Variants in FHIT observed in about 807,000 individuals in gnomAD.
FHIT encodes bis(5'-adenosyl)-triphosphatase.
In FHIT, 19 loss-of-function variants were observed where a neutral mutation model predicts 17.9. The ratio of observed to expected loss-of-function variants is 1.06; its 90% CI spans 0.74 to 1.56. FHIT has a LOEUF of 1.56. FHIT is among the 40% of genes most tolerant of loss of function. The pLI is 0.00. For missense variants in FHIT, 248 were observed against 189.2 expected, an observed-to-expected ratio of 1.31 and a Z score of -1.82; for synonymous variants, 81 against 69.7, an observed-to-expected ratio of 1.16 and a Z score of -0.81.
At chr3:59,763,344 G>A (rs1300113551) in intron 8 of FHIT, among the ~76,000 whole-genome samples, 3 of 152,216 alleles carry the variant, frequency 2.0e-5, no homozygotes, top group African/African-American at 7.2e-5. Flanking sequence ...AGGGAGGCAA[G>A]CACACAGCAC....
chr3:60,825,989 A>G (rs998717543), intron 3 of FHIT, among the ~76,000 whole-genome samples: 1 of 152,198 alleles, frequency 6.6e-6, no homozygotes, highest in Non-Finnish European at 1.5e-5. Flanking sequence ...TTCTTTAAAA[A>G]GGAAAAAAAC....
At chr3:60,963,025 T>G (rs1018989678) in intron 3 of FHIT, among the ~76,000 whole-genome samples, 1 of 152,168 alleles carries the variant, frequency 6.6e-6, no homozygotes, top group Non-Finnish European at 1.5e-5. Context: ...TCTTTGTACC[T>G]CCGGTAGAAT....
chr3:60,390,396 T>TGAAAAAAAAAAAAAAAAAAAAAAAA (rs1701174274), intron 5 of FHIT, among the ~76,000 whole-genome samples: 1 of 32,030 alleles, frequency 3.1e-5, no homozygotes, highest in African/African-American at 1.2e-4. Flanking sequence ...GTAATGGAGC[T>TGAAAAAAAAAAAAAAAAAAAAAAAA]AAAAAAAAAA....
chr3:60,988,554 A>G (rs1360063211), intron 3 of FHIT, among the ~76,000 whole-genome samples: 1 of 152,212 alleles, frequency 6.6e-6, no homozygotes, highest in Non-Finnish European at 1.5e-5. Flanking sequence ...AGAGGAGACC[A>G]TATTCCAGCT....
chr3:60,292,948 T>C (rs1374651545), intron 5 of FHIT, among the ~76,000 whole-genome samples: 2 of 152,190 alleles, frequency 1.3e-5, no homozygotes, highest in Admixed American at 6.6e-5. Context: ...TGCCTAAATA[T>C]ATTACAAACT....
At chr3:60,731,272 T>A (rs1483714601) in intron 4 of FHIT, among the ~76,000 whole-genome samples, 1 of 152,174 alleles carries the variant, frequency 6.6e-6, no homozygotes, top group Non-Finnish European at 1.5e-5. Context: ...AGTTCTTACC[T>A]CTTCAGAAGA....
chr3:59,994,453 A>T (rs1317916187), intron 7 of FHIT, among the ~76,000 whole-genome samples: 2 of 152,104 alleles, frequency 1.3e-5, no homozygotes, highest in African/African-American at 4.8e-5. Context: ...CTTCCCTGGA[A>T]TTTGAAAAGG....
intron 4 of FHIT, among the ~76,000 whole-genome samples, chr3:60,570,724 T>C (rs1011648575): frequency 8.9e-6 from 1 of 112,416 alleles, no homozygotes; most frequent in African/African-American, 3.6e-5. Flanking sequence ...CAATACTTAG[T>C]ACATTAAAAA....
chr3:60,690,465 G>C, intron 4 of FHIT: 1 of 573,566 alleles, frequency 1.7e-6, no homozygotes, highest in Non-Finnish European at 3.5e-6. Flanking sequence ...TGAAGTTCTC[G>C]TCATCAAATT....
chr3:60,311,976 A>T (rs1294101382), intron 5 of FHIT, among the ~76,000 whole-genome samples: 1 of 152,212 alleles, frequency 6.6e-6, no homozygotes, highest in East Asian at 1.9e-4. Context: ...AGTTCTTTAT[A>T]AACTGAATTA....
chr3:60,391,216 C>CAAGG (rs1346482972), intron 5 of FHIT, among the ~76,000 whole-genome samples: 2 of 2,680 alleles, frequency 7.5e-4, no homozygotes, highest in Non-Finnish European at 0.01. Context: ...AACAAACAAA[C>CAAGG]AAACAAAAAC....
chr3:60,028,604 T>C (rs1479901807), intron 5 of FHIT, among the ~76,000 whole-genome samples: 2 of 152,050 alleles, frequency 1.3e-5, no homozygotes, highest in Non-Finnish European at 2.9e-5. Flanking sequence ...GGCCAAGAAA[T>C]ATGAAACACA....
intron 4 of FHIT, among the ~76,000 whole-genome samples, chr3:60,778,037 T>C (rs781936580): frequency 9.9e-5 from 15 of 152,156 alleles, no homozygotes; most frequent in Non-Finnish European, 2.1e-4. Flanking sequence ...CTAAGAGAGG[T>C]AAACAGAATT....
At chr3:60,400,815 G>A (rs896464165) in intron 5 of FHIT, among the ~76,000 whole-genome samples, 5 of 152,116 alleles carry the variant, frequency 3.3e-5, no homozygotes, top group South Asian at 2.1e-4. Context: ...ATCTCAGTGA[G>A]AGGATTTTGT....
chr3:60,454,674 A>ACGCT (rs1407303806), intron 5 of FHIT, among the ~76,000 whole-genome samples: 1 of 152,036 alleles, frequency 6.6e-6, no homozygotes, highest in Non-Finnish European at 1.5e-5. Flanking sequence ...GTGAGCCACC[A>ACGCT]CGCTCAGCCT....
At chr3:59,964,965 T>C (rs1401393660) in intron 7 of FHIT, among the ~76,000 whole-genome samples, 1 of 152,066 alleles carries the variant, frequency 6.6e-6, no homozygotes, top group Non-Finnish European at 1.5e-5. Flanking sequence ...ATATTAACAT[T>C]AGGAGAAAAT....
chr3:59,935,733 A>G (rs1291536977), intron 7 of FHIT, among the ~76,000 whole-genome samples: 1 of 151,962 alleles, frequency 6.6e-6, no homozygotes, highest in Non-Finnish European at 1.5e-5. Flanking sequence ...GTGGGTAGCT[A>G]GGTACATGAG....
intron 3 of FHIT, among the ~76,000 whole-genome samples, chr3:61,020,905 T>G (rs1005361118): frequency 3.9e-5 from 6 of 152,042 alleles, no homozygotes; most frequent in Admixed American, 3.9e-4. Flanking sequence ...AAAACAGACT[T>G]TTAACCAACA....
intron 5 of FHIT, among the ~76,000 whole-genome samples, chr3:60,484,277 C>T (rs1264361660): frequency 6.6e-6 from 1 of 152,132 alleles, no homozygotes; most frequent in East Asian, 1.9e-4. Context: ...ATGTTATTCT[C>T]AAACTACTAT....
Sources: gnomAD v4.1 joint callset for allele counts (sites outside exome capture counted in the v4.1 genomes callset) on GRCh38, gnomAD v4.1.1 for gene constraint, MANE v1.5 for transcripts, NCBI Gene and HGNC (gene_info 2026-07-23, HGNC 2026-07-21) for gene names.